The following SUSD1 variants were observed in gnomAD, a reference collection of about 807,000 sequenced individuals.
The protein encoded by SUSD1 is sushi domain containing 1, also known as sushi domain-containing protein 1.
In SUSD1, 65 loss-of-function variants were observed where a neutral mutation model predicts 86.9. The ratio of observed to expected loss-of-function variants is 0.75; its 90% CI spans 0.61 to 0.92. The LOEUF (loss-of-function observed/expected upper bound fraction) is 0.92. Ranked by LOEUF, SUSD1 falls within the 40% of genes least tolerant of loss-of-function variation. The pLI is 0.00. For missense variants in SUSD1, 850 were observed against 929.7 expected (o/e 0.91, Z 1.11); for synonymous variants, 346 against 350.0 (o/e 0.99, Z 0.13).
At chr9:112,053,513 C>CAAAA (rs56987871) in intron 14 of SUSD1, among the ~76,000 whole-genome samples, 30 of 77,562 alleles carry the variant, frequency 3.9e-4, no homozygotes, top group African/African-American at 9.2e-4. Context: ...GACTTCGTCT[C>CAAAA]AAAAAAAAAA....
intron 11 of SUSD1, among the ~76,000 whole-genome samples, chr9:112,079,101 C>T (rs952935714): frequency 1.4e-4 from 22 of 151,962 alleles, no homozygotes; most frequent in Admixed American, 2.0e-4. Context: ...CGTGAGCCAC[C>T]GCGCCCAGCC....
At chr9:112,109,512 G>A (rs1382140263) in intron 8 of SUSD1, among the ~76,000 whole-genome samples, 1 of 152,160 alleles carries the variant, frequency 6.6e-6, no homozygotes, top group East Asian at 1.9e-4. Context: ...ATTCTCTCTA[G>A]ATTAACTTGC....
intron 1 of SUSD1, among the ~76,000 whole-genome samples, chr9:112,171,151 T>C (rs1277154990): frequency 6.6e-6 from 1 of 152,200 alleles, no homozygotes; most frequent in African/African-American, 2.4e-5. Flanking sequence ...AACTTGGGAC[T>C]AACCAGAAAA....
intron 6 of SUSD1, among the ~76,000 whole-genome samples, chr9:112,120,250 T>TTG (rs1831497743): frequency 6.6e-6 from 1 of 152,110 alleles, no homozygotes; most frequent in Non-Finnish European, 1.5e-5. Flanking sequence ...GAGGCTGTGG[T>TTG]GAGCTGTGAT....
intron 14 of SUSD1, among the ~76,000 whole-genome samples, chr9:112,057,845 A>G (rs1229858918): frequency 6.6e-6 from 1 of 152,192 alleles, no homozygotes; most frequent in Non-Finnish European, 1.5e-5. Context: ...TAGGTCAACC[A>G]TCACAATGGT....
At chr9:112,053,513 C>CAAAAAAAAAAAAAAAAAAAAAAAAAA (rs56987871) in intron 14 of SUSD1, among the ~76,000 whole-genome samples, 1 of 77,666 alleles carries the variant, frequency 1.3e-5, no homozygotes, top group African/African-American at 6.1e-5. Flanking sequence ...GACTTCGTCT[C>CAAAAAAAAAAAAAAAAAAAAAAAAAA]AAAAAAAAAA....
chr9:112,062,607 A>T lies in SUSD1; in HGVS notation c.1850+330T>A, dbSNP rs145895473. On this transcript the variant is annotated intron_variant, in intron 13 of 16. Coordinates refer to ENST00000374270, the MANE Select transcript of SUSD1 (RefSeq NM_022486.5). ...CTACTCAGGAGGCAGTGGAAGGAGA[A>T]TCACTTGCACCCAGCAGGTGGAGGT... Among the ~76,000 whole-genome samples the T allele has an allele frequency of 3.0e-3, 451 of 152,326 alleles. 2 individuals are homozygous for T. Among genetic ancestry groups the T allele is most frequent in the Middle Eastern group, 0.027 (8 of 294 alleles).
chr9:112,065,126 G>A (rs62569078), intron 12 of SUSD1, among the ~76,000 whole-genome samples: 9,134 of 152,268 alleles, frequency 0.06, 342 homozygotes, highest in African/African-American at 0.094. Context: ...CTCACGCTCT[G>A]CTTACACACC....
At chr9:112,058,244 A>G (rs1330259950) in intron 14 of SUSD1, among the ~76,000 whole-genome samples, 184 bp downstream of exon 14, 1 of 152,256 alleles carries the variant, frequency 6.6e-6, no homozygotes, top group African/African-American at 2.4e-5. Context: ...CAGGTGGTTC[A>G]GAATCCATAT....
intron 2 of SUSD1, among the ~76,000 whole-genome samples, chr9:112,152,751 C>CTTTTTTTTTTTTTTTTTTTTTTTTT (rs71382410): frequency 1.1e-5 from 1 of 87,478 alleles, no homozygotes; most frequent in African/African-American, 5.0e-5. Context: ...TTTTTTTAAT[C>CTTTTTTTTTTTTTTTTTTTTTTTTT]TTTTTTTTTT....
intron 1 of SUSD1, among the ~76,000 whole-genome samples, chr9:112,164,881 T>C (rs1159255485): frequency 6.6e-6 from 1 of 152,044 alleles, no homozygotes; most frequent in Admixed American, 6.6e-5. Flanking sequence ...GAGGCGGAGG[T>C]TGCAGTGAGC....
chr9:112,086,336 A>G (rs2131577628), intron 10 of SUSD1, among the ~76,000 whole-genome samples: 1 of 151,582 alleles, frequency 6.6e-6, no homozygotes, highest in South Asian at 2.1e-4. Flanking sequence ...TCTGTTAAAT[A>G]GAAAAATAAA....
chr9:112,154,955 A>C (rs993166600), intron 2 of SUSD1, among the ~76,000 whole-genome samples: 79 of 152,140 alleles, frequency 5.2e-4, no homozygotes, highest in African/African-American at 1.9e-3. Context: ...CTTTGTTCAA[A>C]AATCAAAGGG....
At chr9:112,062,081 A>C (rs2118991090) in intron 13 of SUSD1, among the ~76,000 whole-genome samples, 1 of 152,350 alleles carries the variant, frequency 6.6e-6, no homozygotes, top group East Asian at 1.9e-4. Context: ...CTGGAATCCC[A>C]GAAGCAGTCA....
intron 6 of SUSD1, among the ~76,000 whole-genome samples, chr9:112,114,611 T>C (rs1364378877): frequency 2.0e-5 from 3 of 152,214 alleles, no homozygotes; most frequent in Non-Finnish European, 2.9e-5. Flanking sequence ...AGCTTTCCCA[T>C]TGAAGCAGAC....
intron 9 of SUSD1, among the ~76,000 whole-genome samples, chr9:112,099,015 TTCTCTCTCTCTCTC>T (rs58040511): frequency 0.2 from 29,427 of 145,904 alleles, 3,740 homozygotes; most frequent in Non-Finnish European, 0.3. Flanking sequence ...GAATACTTCG[TTCTCTCTCTCTCTC>T]TCTCTCTCTC....
At chr9:112,170,148 C>T (rs1377586998) in intron 1 of SUSD1, among the ~76,000 whole-genome samples, 2 of 152,180 alleles carry the variant, frequency 1.3e-5, no homozygotes, top group African/African-American at 4.8e-5. Context: ...GGAAGACAAG[C>T]CATGGTGGGC....
At chr9:112,102,982 A>G (rs953571015) in intron 8 of SUSD1, 1 of 335,018 alleles carries the variant, frequency 3.0e-6, no homozygotes. Flanking sequence ...TAGATTTATT[A>G]CTAATGAATT....
intron 10 of SUSD1, among the ~76,000 whole-genome samples, chr9:112,086,520 AAGAGAG>A (rs142342623): frequency 6.8e-6 from 1 of 147,576 alleles, no homozygotes; most frequent in Non-Finnish European, 1.5e-5. Context: ...GAAAGAAAGA[AAGAGAG>A]AGAGAGAGAA....
Sources: allele counts gnomAD v4.1 joint callset (sites outside exome capture counted in the v4.1 genomes callset), GRCh38; gene constraint gnomAD v4.1.1; transcripts MANE v1.5; gene names NCBI Gene and HGNC (gene_info 2026-07-23, HGNC 2026-07-21).